Variants in COL8A1 observed in about 807,000 individuals in gnomAD.
The protein encoded by COL8A1 is collagen type VIII alpha 1 chain, also known as collagen alpha-1(VIII) chain.
A neutral mutation model predicts 42.7 loss-of-function variants in COL8A1; 21 were observed. That is an observed-to-expected ratio of 0.49 (90% CI 0.35 to 0.71). The LOEUF (loss-of-function observed/expected upper bound fraction) is 0.71. COL8A1 is among the 30% of genes least tolerant of loss of function. COL8A1 has a pLI of 0.01. For synonymous variants in COL8A1, 367 were observed against 369.1 expected, an observed-to-expected ratio of 0.99 and a Z score of 0.06; for missense variants, 788 against 962.4, an observed-to-expected ratio of 0.82 and a Z score of 2.40.
intron 1 of COL8A1, among the ~76,000 whole-genome samples, chr3:99,737,653 C>T (rs1384182028): frequency 1.3e-5 from 2 of 152,074 alleles, no homozygotes; most frequent in Non-Finnish European, 2.9e-5. Flanking sequence ...TCTGGCTGCC[C>T]TTAACATTTT....
intron 1 of COL8A1, among the ~76,000 whole-genome samples, chr3:99,738,676 T>C (rs933950901): frequency 6.6e-6 from 1 of 152,236 alleles, no homozygotes; most frequent in African/African-American, 2.4e-5. Flanking sequence ...GCTGTCTTTT[T>C]GTTTGTCTGT....
At chr3:99,782,333 G>C (rs1222869234) in intron 2 of COL8A1, among the ~76,000 whole-genome samples, 2 of 152,064 alleles carry the variant, frequency 1.3e-5, no homozygotes, top group Non-Finnish European at 2.9e-5. Flanking sequence ...GTATGAGATT[G>C]ATCTAACTTT....
chr3:99,685,699 T>G (rs1444212851), intron 1 of COL8A1, among the ~76,000 whole-genome samples: 1 of 152,210 alleles, frequency 6.6e-6, no homozygotes, highest in Admixed American at 6.5e-5. Context: ...AACTTTCCTC[T>G]GGATACTAAA....
At chr3:99,688,967 A>T (rs1049197223) in intron 1 of COL8A1, among the ~76,000 whole-genome samples, 4 of 152,184 alleles carry the variant, frequency 2.6e-5, no homozygotes, top group African/African-American at 9.7e-5. Context: ...GACAATCAAA[A>T]GTGTCTCCAC....
chr3:99,647,249 T>C (rs572552066), intron 1 of COL8A1, among the ~76,000 whole-genome samples: 3 of 152,324 alleles, frequency 2.0e-5, no homozygotes, highest in Admixed American at 2.0e-4. Context: ...AGCTTAAGAA[T>C]AGTTTAAGAA....
chr3:99,770,929 C>G (rs1231018544), intron 2 of COL8A1, among the ~76,000 whole-genome samples: 1 of 152,156 alleles, frequency 6.6e-6, no homozygotes. Flanking sequence ...TGCGCACTGC[C>G]TTCGCCAGAG....
chr3:99,668,886 A>G (rs903601706), intron 1 of COL8A1, among the ~76,000 whole-genome samples: 2 of 151,954 alleles, frequency 1.3e-5, no homozygotes, highest in African/African-American at 2.4e-5. Context: ...TTGACAAGTA[A>G]ATTACTGCAT....
intron 1 of COL8A1, among the ~76,000 whole-genome samples, chr3:99,739,000 G>A (rs1024236982): frequency 7.9e-5 from 12 of 152,152 alleles, no homozygotes; most frequent in South Asian, 2.1e-4. Flanking sequence ...GGTGCTGTCC[G>A]TCACCCCTTT....
At chr3:99,779,571 G>A (rs1174891444) in intron 2 of COL8A1, among the ~76,000 whole-genome samples, 1 of 152,158 alleles carries the variant, frequency 6.6e-6, no homozygotes, top group East Asian at 1.9e-4. Flanking sequence ...CAGTTTTCTG[G>A]GGGAAAGGGA....
intron 1 of COL8A1, among the ~76,000 whole-genome samples, chr3:99,707,823 A>G (rs1939724186): frequency 6.6e-6 from 1 of 152,210 alleles, no homozygotes; most frequent in South Asian, 2.1e-4. Flanking sequence ...ATTGAGCACT[A>G]TGTGCAGATA....
chr3:99,683,466 A>C (rs987108727), intron 1 of COL8A1, among the ~76,000 whole-genome samples: 50 of 152,370 alleles, frequency 3.3e-4, no homozygotes, highest in African/African-American at 1.2e-3. Context: ...CTTTTCATTG[A>C]AAATGGAAAT....
At chr3:99,713,984 T>C (rs1939919649) in intron 1 of COL8A1, among the ~76,000 whole-genome samples, 1 of 151,986 alleles carries the variant, frequency 6.6e-6, no homozygotes. Context: ...GAAAAAGACA[T>C]TATGGTTGTA....
At chr3:99,727,155 A>G (rs1453219494) in intron 1 of COL8A1, among the ~76,000 whole-genome samples, 1 of 151,888 alleles carries the variant, frequency 6.6e-6, no homozygotes, top group Non-Finnish European at 1.5e-5. Context: ...ATTCCTAGGT[A>G]TTTTATTCTC....
At chr3:99,714,488 A>G (rs2107361108) in intron 1 of COL8A1, among the ~76,000 whole-genome samples, 1 of 152,210 alleles carries the variant, frequency 6.6e-6, no homozygotes, top group South Asian at 2.1e-4. Flanking sequence ...CAGAAGAATG[A>G]TGAAATGGAA....
At chr3:99,779,239 A>AT (rs1941749633) in intron 2 of COL8A1, among the ~76,000 whole-genome samples, 1 of 152,210 alleles carries the variant, frequency 6.6e-6, no homozygotes, top group South Asian at 2.1e-4. Flanking sequence ...TAAGGAATGA[A>AT]TTTTTTAGAC....
intron 1 of COL8A1, among the ~76,000 whole-genome samples, chr3:99,731,602 A>G (rs1365018459): frequency 1.3e-5 from 2 of 152,186 alleles, no homozygotes; most frequent in Non-Finnish European, 2.9e-5. Flanking sequence ...TACATTTTTC[A>G]AAGTGCACCT....
intron 2 of COL8A1, among the ~76,000 whole-genome samples, chr3:99,764,916 G>A (rs1404280178): frequency 6.6e-6 from 1 of 151,964 alleles, no homozygotes; most frequent in African/African-American, 2.4e-5. Context: ...TAGCTGTCAT[G>A]TCAAACCATC....
At chr3:99,673,219 AC>A in intron 1 of COL8A1, among the ~76,000 whole-genome samples, 2 of 152,186 alleles carry the variant, frequency 1.3e-5, no homozygotes, top group East Asian at 3.9e-4. Flanking sequence ...TAAAACTGAC[AC>A]AAGGTCATAA....
chr3:99,648,885 G>A (rs749601370), intron 1 of COL8A1, among the ~76,000 whole-genome samples: 1 of 152,108 alleles, frequency 6.6e-6, no homozygotes, highest in African/African-American at 2.4e-5. Context: ...CTAGGAAAAT[G>A]TCTATGTTGT....
Sources: allele counts gnomAD v4.1 joint callset (sites outside exome capture counted in the v4.1 genomes callset), GRCh38; gene constraint gnomAD v4.1.1; transcripts MANE v1.5; gene names NCBI Gene and HGNC (gene_info 2026-07-23, HGNC 2026-07-21).